Variants in REV3L observed in about 807,000 individuals in gnomAD.
The protein encoded by REV3L is DNA polymerase zeta catalytic subunit.
Under a neutral mutation model 299.4 loss-of-function variants are expected in REV3L, and 69 were observed. That is an observed-to-expected ratio of 0.23 (90% confidence interval 0.19 to 0.28). The LOEUF is 0.28. Ranked by LOEUF, REV3L falls within the 10% of genes least tolerant of loss-of-function variation. REV3L has a pLI of 1.00. For synonymous variants in REV3L, 1,238 were observed against 1,271.4 expected (o/e 0.97, Z 0.56); for missense variants, 3,128 against 3,693.8 (o/e 0.85, Z 3.97).
In REV3L at chr6:111,309,975, G is replaced by C; in HGVS notation, c.8920C>G (p.Gln2974Glu). Reference protein sequence around the residue: ...QLVRRPVEVLQDPTLRLNATY... With the variant: ...QLVRRPVEVLEDPTLRLNATY... ...GCATTCAGTCTCAGAGTTGGGTCCT[G>C]CAGGACTTCCACTGGGCGCCTTACA... Residue 2974 changes from glutamine to glutamate, a missense_variant, in exon 30 of 32, where the codon CAG becomes GAG. Physicochemically the swap from Gln to Glu is conservative, Grantham distance 29. Coordinates refer to ENST00000368802, the MANE Select transcript of REV3L (RefSeq NM_001372078.1). 3 of 1,613,990 alleles carry C rather than the reference G, an allele frequency of 1.9e-6. No individual in the cohort carries two copies.
intron 1 of REV3L, among the ~76,000 whole-genome samples, chr6:111,473,781 G>A (rs1468090279): frequency 1.3e-5 from 2 of 151,966 alleles, no homozygotes; most frequent in African/African-American, 2.4e-5. Context: ...GTTTCGGGGG[G>A]AGAGGGGGTC....
intron 1 of REV3L, among the ~76,000 whole-genome samples, chr6:111,479,189 A>T (rs141852495): frequency 9.2e-5 from 14 of 152,332 alleles, no homozygotes; most frequent in African/African-American, 2.9e-4. Flanking sequence ...TCAAATCTAA[A>T]TGAAAAAACA....
intron 1 of REV3L, among the ~76,000 whole-genome samples, chr6:111,454,242 C>G (rs183275977): frequency 6.6e-6 from 1 of 151,498 alleles, no homozygotes; most frequent in East Asian, 1.9e-4. Flanking sequence ...TGTGCTGGAC[C>G]CAATTTCAAA....
In REV3L at chr6:111,430,718, A is replaced by T. The variant is rs375194252; in HGVS notation, c.140-14246T>A. 2.1e-5 allele frequency: 32 copies of T among 1,548,542 alleles called. No individual in the cohort carries two copies. In the African/African-American group the frequency reaches 3.0e-4, roughly 14 times the overall value. On this transcript the variant is annotated intron_variant, in intron 1 of 31. Transcript: ENST00000368802. The stretch of plus-strand genomic sequence containing the variant: ...CAGCAAAGAAAATAAAAAGAAAGAC[A>T]AAGACATGCTTGAAGATAAGTTTAA...
chr6:111,311,431 A>G (rs935647195), intron 28 of REV3L, 172 bp from the exon 29 acceptor site: 8 of 452,620 alleles, frequency 1.8e-5, no homozygotes, highest in Non-Finnish European at 3.0e-5. Flanking sequence ...GTTATTTGAG[A>G]CTTTAGAGAG....
In REV3L at chr6:111,310,007, A is replaced by G. The variant is rs1358180618; in HGVS notation, c.8888T>C (p.Ile2963Thr). The G allele has an allele frequency of 6.2e-7, 1 of 1,613,852 alleles. No homozygotes were observed. ...IIYGTPGVPL[I>T]QLVRRPVEVL... ...TTCCACTGGGCGCCTTACAAGCTGG[A>G]TAAGTGGTACTCCGGGGGTCCCATA... The change falls in exon 30 of 32, where the codon ATC becomes ACC. Residue 2963 changes from isoleucine to threonine, a missense_variant. Ile to Thr is a moderately conservative substitution (Grantham distance 89, BLOSUM62 -1). This residue lies in a region of REV3L where 294 missense variants were observed against 377.0 expected (regional missense o/e 0.78). Coordinates refer to ENST00000368802, the MANE Select transcript of REV3L (RefSeq NM_001372078.1).
At chr6:111,443,035 C>T (rs1474884719) in intron 1 of REV3L, among the ~76,000 whole-genome samples, 1 of 152,148 alleles carries the variant, frequency 6.6e-6, no homozygotes, top group Non-Finnish European at 1.5e-5. Flanking sequence ...TTACTAAATA[C>T]ACTTAAATAC....
rs146445238 is a variant in REV3L at position 111,389,108 on chromosome 6, T to G, written c.860A>C (p.Gln287Pro). 5.0e-6 allele frequency: 8 copies of G among 1,611,406 alleles called. No homozygotes were observed. In the African/African-American group the frequency reaches 9.3e-5, roughly 19 times the overall value. The change falls in exon 7 of 32, where the codon CAA (glutamine) becomes CCA (proline). Residue 287 changes from glutamine (Q) to proline (P), a missense_variant and splice_region_variant. Around this residue, in one of 9 missense-constraint regions of REV3L, gnomAD observed 2,409 missense variants for 2,611.8 expected, o/e 0.92. Transcript: ENST00000368802. ...TCAGAGCACTATTAGGTTTATACCT[T>G]GTGACTCAGGTTGGCTCATTTGAGA... ...ETSQMSQPES[Q>P]DHRFVPATES...
chr6:111,363,324 CAG>C (rs755321227), intron 16 of REV3L, among the ~76,000 whole-genome samples: 9 of 152,002 alleles, frequency 5.9e-5, no homozygotes, highest in Non-Finnish European at 5.9e-5. Context: ...CCCAAAGAGA[CAG>C]AGTCTTGCTC....
At chr6:111,323,697 T>C (rs1774443532) in intron 25 of REV3L, among the ~76,000 whole-genome samples, 1 of 152,218 alleles carries the variant, frequency 6.6e-6, no homozygotes, top group Non-Finnish European at 1.5e-5. Flanking sequence ...TGCTGTTTTA[T>C]TTATTAAACT....
intron 16 of REV3L, among the ~76,000 whole-genome samples, chr6:111,363,538 C>T (rs1302803230): frequency 6.6e-6 from 1 of 151,908 alleles, no homozygotes; most frequent in Non-Finnish European, 1.5e-5. Flanking sequence ...TTAAACTCCT[C>T]GACTCAAGGG....
intron 4 of REV3L, among the ~76,000 whole-genome samples, chr6:111,395,218 GA>G (rs1782369123): frequency 6.6e-6 from 1 of 152,034 alleles, no homozygotes; most frequent in African/African-American, 2.4e-5. Flanking sequence ...ATGAAGTTTA[GA>G]ATTTTTTTTT....
intron 30 of REV3L, chr6:111,309,408 C>A (rs752627570): frequency 6.6e-6 from 1 of 152,062 alleles, no homozygotes. Flanking sequence ...CTTGTCCTGC[C>A]GGTCAATGGC....
At chr6:111,327,705 T>C (rs1464407613) in intron 25 of REV3L, among the ~76,000 whole-genome samples, 1 of 152,156 alleles carries the variant, frequency 6.6e-6, no homozygotes, top group Non-Finnish European at 1.5e-5. Flanking sequence ...TACCTAAAAG[T>C]ATACAAATAT....
chr6:111,438,494 A>G (rs778612157), intron 1 of REV3L, among the ~76,000 whole-genome samples: 5 of 150,650 alleles, frequency 3.3e-5, no homozygotes, highest in Non-Finnish European at 7.4e-5. Flanking sequence ...ACCCTGAATC[A>G]TATTAAGATT....
At chr6:111,357,254 A>T in intron 17 of REV3L, 129 bp from the exon 18 acceptor site, 2 of 332,138 alleles carry the variant, frequency 6.0e-6, no homozygotes. Flanking sequence ...TTAAGAAAAC[A>T]TCTCCCCAAG....
At chr6:111,340,571 C>T (rs1262443167) in intron 21 of REV3L, among the ~76,000 whole-genome samples, 2 of 152,212 alleles carry the variant, frequency 1.3e-5, no homozygotes, top group East Asian at 3.9e-4. Context: ...GCAAGTTCTT[C>T]TCATTCTAAG....
chr6:111,390,034 G>T, intron 6 of REV3L, 52 bp downstream of exon 6: 2 of 1,318,362 alleles, frequency 1.5e-6, no homozygotes, highest in Non-Finnish European at 1.1e-6. Flanking sequence ...ACACCCGCCG[G>T]TCATTAATTT....
In REV3L at chr6:111,375,472, G is replaced by A; in HGVS notation, c.2883C>T (p.Ser961=). 1 of 1,604,164 alleles carries A rather than the reference G, an allele frequency of 6.2e-7. No individual in the cohort carries two copies. Among genetic ancestry groups the A allele is most frequent in the Non-Finnish European group, 8.5e-7 (1 of 1,177,570 alleles). Residue 961 remains serine (S), a synonymous_variant, in exon 13 of 32, where the codon TCC becomes TCT. Transcript: ENST00000368802. ...TTTTAGACATTTTTCTTCGTTTTCG[G>A]GATTTGAGAGTTCCATCTAAACTTT... ...IGESLDGTLK[S]RKRRKMSKKL... is the part of the protein sequence containing the mutation.
Sources: gnomAD v4.1 joint callset for allele counts (sites outside exome capture counted in the v4.1 genomes callset) on GRCh38, gnomAD v4.1.1 for gene constraint, gnomAD v4.1.1 regional missense constraint, MANE v1.5 for transcripts, NCBI Gene and HGNC (gene_info 2026-07-23, HGNC 2026-07-21) for gene names.